Variants in CDKAL1 observed in about 807,000 individuals in gnomAD.
CDKAL1 encodes the protein CDKAL1 threonylcarbamoyladenosine tRNA methylthiotransferase, also known as threonylcarbamoyladenosine tRNA methylthiotransferase.
A neutral mutation model predicts 68.2 loss-of-function variants in CDKAL1; 32 were observed. That is an observed-to-expected ratio of 0.47 (90% CI 0.35 to 0.63). The LOEUF is 0.63. CDKAL1 is among the 30% of genes least tolerant of loss of function. The pLI is 0.00. For missense variants in CDKAL1, 606 were observed against 696.7 expected, an observed-to-expected ratio of 0.87 and a Z score of 1.47; for synonymous variants, 234 against 244.3, an observed-to-expected ratio of 0.96 and a Z score of 0.39.
At chr6:20,536,649 G>A (rs1257738262) in intron 2 of CDKAL1, among the ~76,000 whole-genome samples, 1 of 152,014 alleles carries the variant, frequency 6.6e-6, no homozygotes, top group African/African-American at 2.4e-5. Context: ...ATATTGCTAG[G>A]TTTTACTCAA....
At chr6:21,036,283 T>C (rs1330764904) in intron 11 of CDKAL1, among the ~76,000 whole-genome samples, 1 of 152,114 alleles carries the variant, frequency 6.6e-6, no homozygotes, top group Non-Finnish European at 1.5e-5. Context: ...TAACAGAAGC[T>C]AGTTTAAAAG....
intron 9 of CDKAL1, among the ~76,000 whole-genome samples, chr6:20,943,345 G>GAAAAA (rs66615536): frequency 2.9e-5 from 4 of 137,906 alleles, no homozygotes; most frequent in African/African-American, 8.1e-5. Context: ...AAAAAAAAAA[G>GAAAAA]AAAAAGAAAA....
Position 20,806,024 on chromosome 6 carries a change from G to C in CDKAL1, c.638+24759G>C, listed in dbSNP as rs116393148. 4.5e-3 allele frequency among the ~76,000 whole-genome samples: 686 copies of C among 152,300 alleles called. 5 individuals carry two copies. Among genetic ancestry groups the C allele is most frequent in the Non-Finnish European group, 7.2e-3 (487 of 68,024 alleles). ...ATTTTCAACTTTTAGGTTCAGCAAT[G>C]TGTGTAATATGTACAGGTCTTTATG... On this transcript the variant is annotated intron_variant, in intron 8 of 15. Transcript: ENST00000274695.
At position 21,232,003 on chromosome 6, in the gene CDKAL1, G is replaced by GTTTTGTTTTTTT. The variant is rs1779993397; in HGVS notation, c.*968_*969insGTTTTTTTTTTT. 3 of 76,102 alleles carry GTTTTGTTTTTTT rather than the reference G, an allele frequency of 3.9e-5. No homozygotes were observed. The highest frequency in any genetic ancestry group is 6.3e-5 in the Non-Finnish European group (2 of 31,902). The allele number at this position is 76,102 out of a possible 1,614,324, so 4.7% of individuals were successfully genotyped here. On this transcript the variant is annotated 3_prime_UTR_variant, in exon 16 of 16. Coordinates refer to ENST00000274695, the MANE Select transcript of CDKAL1 (RefSeq NM_017774.3). Reference sequence around the variant, plus strand: ...TTTGATCCATTGGGGTTTTTTTTTTGTTTTTGTTTTTTTTTTTTTTTGAGT... The same window carrying GTTTTGTTTTTTT: ...TTTGATCCATTGGGGTTTTTTTTTTGTTTTGTTTTTTTTTTTTGTTTTTTTTTTTTTTTGAGT...
chr6:20,574,560 A>G (rs1315276305), intron 4 of CDKAL1, among the ~76,000 whole-genome samples: 2 of 152,174 alleles, frequency 1.3e-5, no homozygotes, highest in Admixed American at 6.5e-5. Context: ...AATTTTTATC[A>G]AGGGTCACCA....
At chr6:20,834,136 T>C (rs1184151730) in intron 8 of CDKAL1, among the ~76,000 whole-genome samples, 1 of 152,210 alleles carries the variant, frequency 6.6e-6, no homozygotes, top group African/African-American at 2.4e-5. Flanking sequence ...CTGTTTGTTA[T>C]GGTCAGTTCC....
At chr6:20,541,496 A>G (rs1212325137) in intron 2 of CDKAL1, among the ~76,000 whole-genome samples, 1 of 152,176 alleles carries the variant, frequency 6.6e-6, no homozygotes, top group Non-Finnish European at 1.5e-5. Context: ...AAGAGAAGCT[A>G]TCTTCTGTTA....
intron 4 of CDKAL1, among the ~76,000 whole-genome samples, chr6:20,606,491 A>G (rs992175146): frequency 2.6e-5 from 4 of 152,224 alleles, no homozygotes; most frequent in Admixed American, 2.0e-4. Context: ...AAGGTAATTG[A>G]GAAGTCCGGG....
intron 4 of CDKAL1, among the ~76,000 whole-genome samples, chr6:20,589,187 A>G (rs1765493702): frequency 6.6e-6 from 1 of 152,148 alleles, no homozygotes; most frequent in Non-Finnish European, 1.5e-5. Context: ...GATATCATTG[A>G]TATCATTGAT....
At chr6:20,701,148 C>T (rs997514866) in intron 5 of CDKAL1, among the ~76,000 whole-genome samples, 2 of 152,028 alleles carry the variant, frequency 1.3e-5, no homozygotes, top group Non-Finnish European at 2.9e-5. Context: ...ATAAAGAAGC[C>T]GGCTAGCAGC....
chr6:20,886,305 C>T (rs1427803955), intron 9 of CDKAL1, among the ~76,000 whole-genome samples: 2 of 152,148 alleles, frequency 1.3e-5, no homozygotes, highest in African/African-American at 4.8e-5. Context: ...TAAAATGGTG[C>T]AGCTACTGTG....
intron 4 of CDKAL1, among the ~76,000 whole-genome samples, chr6:20,644,557 G>A (rs890973830): frequency 1.3e-5 from 2 of 152,132 alleles, no homozygotes; most frequent in Non-Finnish European, 2.9e-5. Flanking sequence ...GCGGGTGCCT[G>A]TAGTCCCAGC....
rs146222185 is a variant in CDKAL1, at chr6:21,071,211, G to A, written c.1236+5983G>A. Among the ~76,000 whole-genome samples, 809 of 152,072 alleles carry A rather than the reference G, an allele frequency of 5.3e-3. 9 individuals carry two copies. The highest frequency in any genetic ancestry group is 0.019 in the African/African-American group (769 of 41,480). ...TCTCATCTTGAATTGTAATCCCCAC[G>A]TGTCAGGGGAGAGACCTGGTGGGAG... On this transcript the variant is annotated intron_variant, in intron 12 of 15. Coordinates refer to ENST00000274695, the MANE Select transcript of CDKAL1 (RefSeq NM_017774.3).
intron 7 of CDKAL1, among the ~76,000 whole-genome samples, chr6:20,775,655 T>G (rs1775140787): frequency 6.6e-6 from 1 of 152,246 alleles, no homozygotes; most frequent in African/African-American, 2.4e-5. Flanking sequence ...AAGACTTGCT[T>G]CCTTTAAGAC....
intron 9 of CDKAL1, among the ~76,000 whole-genome samples, chr6:20,946,623 G>A (rs1357636955): frequency 6.4e-5 from 8 of 125,568 alleles, no homozygotes; most frequent in African/African-American, 2.1e-4. Flanking sequence ...TTGAGACAGA[G>A]TTTCACTCTT....
At chr6:21,029,871 A>G (rs1189391824) in intron 11 of CDKAL1, among the ~76,000 whole-genome samples, 1 of 152,160 alleles carries the variant, frequency 6.6e-6, no homozygotes, top group Non-Finnish European at 1.5e-5. Flanking sequence ...ATGCTTTTAC[A>G]CTGTTGGTGG....
At chr6:20,970,314 A>C (rs1196835633) in intron 10 of CDKAL1, among the ~76,000 whole-genome samples, 1 of 152,188 alleles carries the variant, frequency 6.6e-6, no homozygotes, top group Non-Finnish European at 1.5e-5. Context: ...CAAACACACC[A>C]CATAGCTCCA....
intron 5 of CDKAL1, among the ~76,000 whole-genome samples, chr6:20,652,668 AT>A (rs1768827776): frequency 6.6e-6 from 1 of 152,146 alleles, no homozygotes; most frequent in Non-Finnish European, 1.5e-5. Flanking sequence ...ACTTTTAAAA[AT>A]TCTTCTCTTC....
At chr6:20,991,150 G>A (rs1766769902) in intron 10 of CDKAL1, among the ~76,000 whole-genome samples, 1 of 152,242 alleles carries the variant, frequency 6.6e-6, no homozygotes, top group South Asian at 2.1e-4. Context: ...TTACAGCAGG[G>A]ATGAAAGCAT....
Sources: gnomAD v4.1 joint callset for allele counts (sites outside exome capture counted in the v4.1 genomes callset) on GRCh38, gnomAD v4.1.1 for gene constraint, MANE v1.5 for transcripts, NCBI Gene and HGNC (gene_info 2026-07-23, HGNC 2026-07-21) for gene names.